CHN2: variants seen among roughly 807,000 people sequenced by gnomAD.
CHN2 encodes chimerin 2, also known as beta-chimaerin.
In CHN2, 35 loss-of-function variants were observed where a neutral mutation model predicts 56.3. That is an observed-to-expected ratio of 0.62 (90% CI 0.47 to 0.82). The LOEUF is 0.82. Ranked by LOEUF, CHN2 falls within the 40% of genes least tolerant of loss-of-function variation. CHN2 has a pLI of 0.00. For missense variants in CHN2, 491 were observed against 580.5 expected, an observed-to-expected ratio of 0.85 and a Z score of 1.58; for synonymous variants, 210 against 212.8, an observed-to-expected ratio of 0.99 and a Z score of 0.12.
At chr7:29,384,397 C>G (rs908101549) in intron 3 of CHN2, among the ~76,000 whole-genome samples, 3 of 152,084 alleles carry the variant, frequency 2.0e-5, no homozygotes, top group African/African-American at 7.2e-5. Context: ...ACCATACAGG[C>G]CTTCTTTTTC....
chr7:29,257,590 A>T (rs1202678408), intron 1 of CHN2, among the ~76,000 whole-genome samples: 1 of 152,056 alleles, frequency 6.6e-6, no homozygotes, highest in Non-Finnish European at 1.5e-5. Context: ...TTTGCATCCA[A>T]TCCATTGTCT....
intron 1 of CHN2, among the ~76,000 whole-genome samples, chr7:29,295,314 AACACACAC>A (rs58693628): frequency 9.0e-5 from 13 of 144,960 alleles, no homozygotes; most frequent in African/African-American, 1.3e-4. Flanking sequence ...TTTAGCTGTG[AACACACAC>A]ACACACACAC....
chr7:29,175,179 CTT>C (rs141269641), intron 2 of CHN2, among the ~76,000 whole-genome samples: 18 of 142,962 alleles, frequency 1.3e-4, no homozygotes, highest in African/African-American at 7.7e-5. Context: ...TTTCTTTTTC[CTT>C]TTTTTTTTTT....
At chr7:29,258,642 A>T (rs1319842980) in intron 1 of CHN2, among the ~76,000 whole-genome samples, 3 of 152,106 alleles carry the variant, frequency 2.0e-5, no homozygotes, top group Non-Finnish European at 4.4e-5. Flanking sequence ...ATTCTTTTGA[A>T]GTAGTGAGGA....
At chr7:29,367,810 T>A in intron 2 of CHN2, 122 bp from the exon 3 acceptor site, 1 of 722,548 alleles carries the variant, frequency 1.4e-6, no homozygotes. Context: ...TGTATTCTCT[T>A]GTTTTTTTAT....
intron 2 of CHN2, among the ~76,000 whole-genome samples, chr7:29,148,019 G>C (rs1406369966): frequency 6.6e-6 from 1 of 152,156 alleles, no homozygotes. Context: ...TGGAAGCTCG[G>C]TCAAGCTTCC....
At chr7:29,322,409 A>C (rs533400740) in intron 1 of CHN2, among the ~76,000 whole-genome samples, 1 of 152,344 alleles carries the variant, frequency 6.6e-6, no homozygotes, top group South Asian at 2.1e-4. Flanking sequence ...TGATGATGGA[A>C]CAGCCTTTGC....
chr7:29,346,734 G>A (rs1385525164), intron 1 of CHN2, among the ~76,000 whole-genome samples: 2 of 152,062 alleles, frequency 1.3e-5, no homozygotes, highest in African/African-American at 2.4e-5. Context: ...TCTGTGAGTC[G>A]AGTCATCCTC....
At chr7:29,329,058 A>G (rs1472043948) in intron 1 of CHN2, among the ~76,000 whole-genome samples, 1 of 152,150 alleles carries the variant, frequency 6.6e-6, no homozygotes, top group Non-Finnish European at 1.5e-5. Context: ...TAGCAGTTTC[A>G]CAACTGTCTG....
intron 6 of CHN2, among the ~76,000 whole-genome samples, chr7:29,470,058 G>A (rs1156883229): frequency 1.3e-5 from 2 of 152,196 alleles, no homozygotes; most frequent in South Asian, 2.1e-4. Context: ...ATTTCAGACT[G>A]AACTGTGTTC....
intron 2 of CHN2, among the ~76,000 whole-genome samples, chr7:29,364,674 A>G (rs955096565): frequency 1.3e-5 from 2 of 152,192 alleles, no homozygotes; most frequent in Admixed American, 6.5e-5. Flanking sequence ...AATGTCTACA[A>G]CTGTTTCTCT....
intron 3 of CHN2, among the ~76,000 whole-genome samples, chr7:29,390,619 C>A (rs1315071850): frequency 6.6e-6 from 1 of 152,208 alleles, no homozygotes; most frequent in Non-Finnish European, 1.5e-5. Flanking sequence ...TTTTATTTAT[C>A]AACTATCCTG....
intron 6 of CHN2, among the ~76,000 whole-genome samples, chr7:29,447,326 T>C (rs1430881120): frequency 6.6e-6 from 1 of 152,194 alleles, no homozygotes; most frequent in East Asian, 1.9e-4. Context: ...TAAAGTACAC[T>C]GCATGTGACT....
chr7:29,284,574 A>G (rs11978385), intron 1 of CHN2, among the ~76,000 whole-genome samples: 13,711 of 152,286 alleles, frequency 0.09, 827 homozygotes, highest in East Asian at 0.2. Flanking sequence ...CTGGCCAACA[A>G]CTAGCAAGGA....
At chr7:29,429,716 T>A (rs1805219982) in intron 6 of CHN2, among the ~76,000 whole-genome samples, 1 of 152,232 alleles carries the variant, frequency 6.6e-6, no homozygotes, top group African/African-American at 2.4e-5. Flanking sequence ...AGTACAGACT[T>A]AGATAAAATT....
intron 6 of CHN2, among the ~76,000 whole-genome samples, chr7:29,446,205 CA>C (rs1426441985): frequency 6.6e-6 from 1 of 152,104 alleles, no homozygotes; most frequent in African/African-American, 2.4e-5. Flanking sequence ...ACAGGTGCAC[CA>C]AAATCTCAGA....
At chr7:29,472,578 A>G (rs142903839) in intron 6 of CHN2, among the ~76,000 whole-genome samples, 33 of 152,274 alleles carry the variant, frequency 2.2e-4, no homozygotes, top group Admixed American at 1.3e-3. Flanking sequence ...GAATGAGCCA[A>G]TGGGCCAAGG....
chr7:29,488,835 AAG>A (rs1388868108), intron 7 of CHN2, among the ~76,000 whole-genome samples: 2 of 152,162 alleles, frequency 1.3e-5, no homozygotes, highest in African/African-American at 2.4e-5. Flanking sequence ...CCCCACAACA[AAG>A]AATTTTCCAG....
At chr7:29,172,072 T>TG (rs778694146) in intron 2 of CHN2, among the ~76,000 whole-genome samples, 1 of 152,112 alleles carries the variant, frequency 6.6e-6, no homozygotes, top group Non-Finnish European at 1.5e-5. Flanking sequence ...CCAAATCAGA[T>TG]GTAGGGTCAG....
Sources: gnomAD v4.1 joint callset for allele counts (sites outside exome capture counted in the v4.1 genomes callset) on GRCh38, gnomAD v4.1.1 for gene constraint, MANE v1.5 for transcripts, NCBI Gene and HGNC (gene_info 2026-07-23, HGNC 2026-07-21) for gene names.